The following DKK2 variants were observed in gnomAD, a reference collection of about 807,000 sequenced individuals.
DKK2 encodes dickkopf-related protein 2.
A neutral mutation model predicts 28.1 loss-of-function variants in DKK2; 11 were observed. The observed-to-expected ratio is 0.39, with a 90% CI of 0.25 to 0.65. The LOEUF (loss-of-function observed/expected upper bound fraction) is 0.65. DKK2 is among the 30% of genes least tolerant of loss of function. The pLI, the probability that DKK2 is intolerant of heterozygous loss-of-function variation, is 0.47. For missense variants in DKK2, 326 were observed against 335.5 expected, an observed-to-expected ratio of 0.97 and a Z score of 0.22; for synonymous variants, 135 against 126.5, an observed-to-expected ratio of 1.07 and a Z score of -0.45.
Position 106,967,820 on chromosome 4 carries a change from G to GC in DKK2, c.223-41872_223-41871insG, listed in dbSNP as rs1037183160. Among the ~76,000 whole-genome samples the GC allele has an allele frequency of 9.9e-4, 148 of 149,396 alleles. 1 individual carries two copies. Among genetic ancestry groups the GC allele is most frequent in the African/African-American group, 3.2e-3 (132 of 40,742 alleles). ...GAGGGGAGAAGAAGAGAGGAAGAAA[G>GC]AAAAAAAGGAAGGAAGGCAAAGAAA... On this transcript the variant is annotated intron_variant, in intron 1 of 3. Coordinates refer to ENST00000285311, the MANE Select transcript of DKK2 (RefSeq NM_014421.3).
intron 1 of DKK2, among the ~76,000 whole-genome samples, chr4:107,033,352 G>C (rs544936888): frequency 1.3e-5 from 2 of 152,062 alleles, no homozygotes; most frequent in African/African-American, 2.4e-5. Flanking sequence ...AATTTAAGGC[G>C]ATGTAAGTAG....
intron 2 of DKK2, among the ~76,000 whole-genome samples, chr4:106,924,916 A>G (rs1040828776): frequency 1.3e-5 from 2 of 152,204 alleles, no homozygotes; most frequent in Non-Finnish European, 2.9e-5. Flanking sequence ...TCTCAAGACC[A>G]AGTGACCTTG....
chr4:107,026,092 A>C (rs762443933), intron 1 of DKK2, among the ~76,000 whole-genome samples: 3 of 152,228 alleles, frequency 2.0e-5, no homozygotes, highest in Non-Finnish European at 4.4e-5. Flanking sequence ...AGCAAGTTAA[A>C]TTAGGCAATT....
chr4:106,984,306 A>G (rs959551162), intron 1 of DKK2, among the ~76,000 whole-genome samples: 2 of 152,200 alleles, frequency 1.3e-5, no homozygotes, highest in East Asian at 3.9e-4. Context: ...GAACTTTTTC[A>G]TCATCTCAAA....
chr4:106,974,844 C>A (rs1008660284), intron 1 of DKK2, among the ~76,000 whole-genome samples: 1 of 152,102 alleles, frequency 6.6e-6, no homozygotes, highest in Non-Finnish European at 1.5e-5. Flanking sequence ...ATGCTTCCAG[C>A]TCTTGCCCAT....
At chr4:106,961,811 T>C (rs1722689231) in intron 1 of DKK2, among the ~76,000 whole-genome samples, 3 of 152,160 alleles carry the variant, frequency 2.0e-5, no homozygotes, top group African/African-American at 7.2e-5. Context: ...ACCGCACCTC[T>C]CTGTGCATCT....
intron 1 of DKK2, among the ~76,000 whole-genome samples, chr4:106,951,017 C>A (rs1724850473): frequency 6.6e-6 from 1 of 151,460 alleles, no homozygotes; most frequent in South Asian, 2.1e-4. Flanking sequence ...TTTTTTTTTA[C>A]CCAGTATCAT....
In DKK2 at chr4:107,023,762, T is replaced by C. The variant is rs189017715; in HGVS notation, c.222+11608A>G. ...GAGTTTATGGAAACTGACTATACTTTTGGTTCAACTATTTTTCGAAACTAA... is the reference window on the plus strand; with the variant it reads ...GAGTTTATGGAAACTGACTATACTTCTGGTTCAACTATTTTTCGAAACTAA... On this transcript the variant is annotated intron_variant, in intron 1 of 3. Transcript: ENST00000285311. Among the ~76,000 whole-genome samples, 235 of 152,244 alleles carry C rather than the reference T, an allele frequency of 1.5e-3. 1 individual carries two copies. The highest frequency in any genetic ancestry group is 3.6e-3 in the Admixed American group (55 of 15,296).
At chr4:106,952,952 C>A (rs1414587170) in intron 1 of DKK2, among the ~76,000 whole-genome samples, 1 of 152,230 alleles carries the variant, frequency 6.6e-6, no homozygotes, top group African/African-American at 2.4e-5. Flanking sequence ...ACTTGCTTAT[C>A]AAAAATAATG....
intron 1 of DKK2, among the ~76,000 whole-genome samples, chr4:106,966,354 T>A (rs1722780976): frequency 6.6e-6 from 1 of 152,178 alleles, no homozygotes; most frequent in Non-Finnish European, 1.5e-5. Context: ...ACTTCAAGTT[T>A]ACAGACAAGT....
At position 107,035,612 on chromosome 4, in the gene DKK2, A is replaced by T; in HGVS notation, c.-21T>A. On this transcript the variant is annotated 5_prime_UTR_variant, in exon 1 of 4. Coordinates refer to ENST00000285311, the MANE Select transcript of DKK2 (RefSeq NM_014421.3). ...GCCATCTCCCGGCGAGGGGGTCCCC[A>T]GGAAGACGCAAAGCCCGGAGGGGTG... 1 of 1,612,384 alleles carries T rather than the reference A, an allele frequency of 6.2e-7. No homozygotes were observed. Among genetic ancestry groups the T allele is most frequent in the Non-Finnish European group, 8.5e-7 (1 of 1,179,652 alleles).
intron 1 of DKK2, among the ~76,000 whole-genome samples, chr4:106,963,914 G>A (rs1180002407): frequency 6.6e-6 from 1 of 152,098 alleles, no homozygotes; most frequent in African/African-American, 2.4e-5. Context: ...GGTTTTCCCA[G>A]TACCATTCAT....
At chr4:107,021,056 T>A (rs1454929292) in intron 1 of DKK2, among the ~76,000 whole-genome samples, 1 of 152,130 alleles carries the variant, frequency 6.6e-6, no homozygotes, top group African/African-American at 2.4e-5. Context: ...ATTTTAAATT[T>A]TAAGACTTTC....
chr4:107,035,911 G>T lies in DKK2; in HGVS notation c.-320C>A. The T allele has an allele frequency of 2.6e-6, 1 of 379,782 alleles. No homozygotes were observed. The highest frequency in any genetic ancestry group is 4.9e-6 in the Non-Finnish European group (1 of 204,734). The allele number at this position is 379,782 out of a possible 1,614,324, so 23.5% of individuals were successfully genotyped here. On this transcript the variant is annotated 5_prime_UTR_variant, in exon 1 of 4. Coordinates refer to ENST00000285311, the MANE Select transcript of DKK2 (RefSeq NM_014421.3). ...GCAAGAAAACCCAGCCCTGTGGATC[G>T]CACCGCTTCCGTTCCTTCTTGCCCC... is the stretch of plus-strand genomic sequence containing the variant.
chr4:106,946,436 G>A (rs963262117), intron 1 of DKK2, among the ~76,000 whole-genome samples: 9 of 152,058 alleles, frequency 5.9e-5, no homozygotes, highest in African/African-American at 2.2e-4. Flanking sequence ...GTTAAAAATT[G>A]TTGAAGTTAT....
At chr4:106,943,521 A>G (rs575040977) in intron 1 of DKK2, among the ~76,000 whole-genome samples, 1 of 152,260 alleles carries the variant, frequency 6.6e-6, no homozygotes, top group African/African-American at 2.4e-5. Context: ...ATTGATTTTT[A>G]AAATTGAAGT....
intron 1 of DKK2, among the ~76,000 whole-genome samples, chr4:107,014,887 A>T (rs1329734747): frequency 6.6e-6 from 1 of 151,440 alleles, no homozygotes; most frequent in Non-Finnish European, 1.5e-5. Context: ...ATCTTCATTC[A>T]TGTTTATTCC....
chr4:106,924,074 C>T lies in DKK2; in HGVS notation c.660G>A (p.Lys220=). The change falls in exon 4 of 4, where the codon AAG becomes AAA. Residue 220 remains lysine (K), a synonymous_variant. Transcript: ENST00000285311. ...QGEVCTKQRK[K]GSHGLEIFQR... ...GGAAAATTTCCAGCCCATGAGAACC[C>T]TTCTTGCGTTGTTTGGTACAGACTT... is the stretch of plus-strand genomic sequence containing the variant. 1.2e-6 allele frequency: 2 copies of T among 1,613,944 alleles called. No individual in the cohort carries two copies. Among genetic ancestry groups the T allele is most frequent in the Non-Finnish European group, 1.7e-6 (2 of 1,179,914 alleles).
chr4:106,978,488 G>A (rs1186579167), intron 1 of DKK2, among the ~76,000 whole-genome samples: 1 of 152,140 alleles, frequency 6.6e-6, no homozygotes, highest in Non-Finnish European at 1.5e-5. Context: ...GCTTTGTGGA[G>A]CTGCGGTGGG....
Sources: gnomAD v4.1 joint callset for allele counts (sites outside exome capture counted in the v4.1 genomes callset) on GRCh38, gnomAD v4.1.1 for gene constraint, MANE v1.5 for transcripts, NCBI Gene and HGNC (gene_info 2026-07-23, HGNC 2026-07-21) for gene names.